The following CHODL variants were observed in gnomAD, a reference collection of about 807,000 sequenced individuals.
CHODL encodes transmembrane protein MT75.
Under a neutral mutation model 34.5 loss-of-function variants are expected in CHODL, and 29 were observed. That is an observed-to-expected ratio of 0.84 (90% CI 0.63 to 1.15). CHODL has a LOEUF of 1.15. Ranked by LOEUF, CHODL falls within the 50% of genes most tolerant of loss-of-function variation. The pLI, the probability that CHODL is intolerant of heterozygous loss-of-function variation, is 0.00. For missense variants in CHODL, 332 were observed against 332.5 expected, an observed-to-expected ratio of 1.00 and a Z score of 0.01; for synonymous variants, 125 against 116.1, an observed-to-expected ratio of 1.08 and a Z score of -0.49.
intron 2 of CHODL, among the ~76,000 whole-genome samples, chr21:18,032,417 G>A (rs1296714116): frequency 6.6e-6 from 1 of 151,904 alleles, no homozygotes; most frequent in Non-Finnish European, 1.5e-5. Context: ...GTTCTGAAGG[G>A]GAGAAAATAG....
chr21:18,004,416 C>T (rs2063940786), intron 1 of CHODL, among the ~76,000 whole-genome samples: 3 of 152,118 alleles, frequency 2.0e-5, no homozygotes, highest in South Asian at 4.1e-4. Context: ...AAAGAAAGCA[C>T]GTACACATCA....
chr21:18,021,064 C>T (rs1243715594), intron 1 of CHODL, among the ~76,000 whole-genome samples: 1 of 152,096 alleles, frequency 6.6e-6, no homozygotes, highest in Non-Finnish European at 1.5e-5. Context: ...CTATAGACCC[C>T]TAGTTGAATA....
At chr21:18,112,668 A>C (rs1416686419) in intron 2 of CHODL, among the ~76,000 whole-genome samples, 2 of 152,150 alleles carry the variant, frequency 1.3e-5, no homozygotes, top group African/African-American at 2.4e-5. Context: ...TTGGGGAAAA[A>C]ACACTGTCTT....
chr21:18,135,936 G>C (rs139312146), intron 2 of CHODL, among the ~76,000 whole-genome samples: 1 of 151,564 alleles, frequency 6.6e-6, no homozygotes, highest in Non-Finnish European at 1.5e-5. Flanking sequence ...GTGAAACCCC[G>C]TCTCTACTAA....
At chr21:18,245,986 G>A in intron 1 of CHODL, 2 of 1,491,248 alleles carry the variant, frequency 1.3e-6, no homozygotes, top group African/African-American at 2.8e-5. Flanking sequence ...GCACAATTAA[G>A]TCGGTCGAGT....
chr21:18,106,259 C>T (rs986685713), intron 2 of CHODL, among the ~76,000 whole-genome samples: 1 of 152,102 alleles, frequency 6.6e-6, no homozygotes, highest in African/African-American at 2.4e-5. Context: ...AGACCTAAGT[C>T]ATTTCCAACA....
chr21:17,919,925 A>G (rs1310907783), intron 1 of CHODL, among the ~76,000 whole-genome samples: 1 of 152,196 alleles, frequency 6.6e-6, no homozygotes, highest in Non-Finnish European at 1.5e-5. Context: ...GGCAGGGACA[A>G]AATGCTGCCA....
chr21:18,018,955 T>C (rs535869017), intron 1 of CHODL, among the ~76,000 whole-genome samples: 1 of 152,346 alleles, frequency 6.6e-6, no homozygotes, highest in Non-Finnish European at 1.5e-5. Flanking sequence ...ATACCCTCCA[T>C]GACTTGATTA....
At chr21:18,183,029 T>A (rs2824691) in intron 2 of CHODL, among the ~76,000 whole-genome samples, 56 of 152,186 alleles carry the variant, frequency 3.7e-4, no homozygotes, top group African/African-American at 1.2e-3. Context: ...AAATTCTCCC[T>A]TATTGATTAA....
chr21:18,013,178 A>C (rs1263385621), intron 1 of CHODL, among the ~76,000 whole-genome samples: 1 of 152,076 alleles, frequency 6.6e-6, no homozygotes, highest in East Asian at 1.9e-4. Context: ...ACTCATTTTC[A>C]TTTTGTATCT....
intron 1 of CHODL, among the ~76,000 whole-genome samples, chr21:17,925,385 G>C (rs1359326428): frequency 6.6e-6 from 1 of 152,116 alleles, no homozygotes; most frequent in African/African-American, 2.4e-5. Flanking sequence ...TATGCACCTG[G>C]GCCAGTTTCC....
intron 2 of CHODL, among the ~76,000 whole-genome samples, chr21:18,055,620 A>T (rs569931993): frequency 2.0e-5 from 3 of 152,172 alleles, no homozygotes; most frequent in Admixed American, 2.0e-4. Flanking sequence ...CATATCCGGC[A>T]GGGCTAAAGT....
At chr21:18,239,901 C>T (rs1318833230), upstream of CHODL, among the ~76,000 whole-genome samples, 1 of 151,600 alleles carries the variant, frequency 6.6e-6, no homozygotes. Flanking sequence ...TAAATCAAAC[C>T]ATTGTCATTT....
rs950930010 is a variant in CHODL at position 17,956,134 on chromosome 21, T to G, written c.-145+38734T>G. On this transcript the variant is annotated intron_variant, in intron 1 of 6. Transcript: ENST00000400127. ...CATGTTGAGATGTAATCCCCAGTGTTGGAGATGGGGCCCAGTGGGAGGTGT... is the reference window on the plus strand; with the variant it reads ...CATGTTGAGATGTAATCCCCAGTGTGGGAGATGGGGCCCAGTGGGAGGTGT... 5.9e-5 allele frequency among the ~76,000 whole-genome samples: 8 copies of G among 136,714 alleles called. 1 individual carries two copies. Among genetic ancestry groups the G allele is most frequent in the African/African-American group, 1.7e-4 (7 of 40,044 alleles). The allele number at this position is 136,714 out of a possible 152,430, so 89.7% of individuals were successfully genotyped here. A position where few individuals can be genotyped will look rare whatever the true frequency, so the allele number is the denominator to read the frequency against.
intron 2 of CHODL, among the ~76,000 whole-genome samples, chr21:18,218,870 G>T (rs1286508787): frequency 6.6e-6 from 1 of 152,104 alleles, no homozygotes; most frequent in Admixed American, 6.5e-5. Context: ...CCTCAGCCTG[G>T]ACTTCATTGT....
chr21:17,928,950 T>C (rs2063249216), intron 1 of CHODL, among the ~76,000 whole-genome samples: 1 of 152,250 alleles, frequency 6.6e-6, no homozygotes, highest in Non-Finnish European at 1.5e-5. Flanking sequence ...CTGAACTTCA[T>C]GCAAGTATCA....
intron 2 of CHODL, among the ~76,000 whole-genome samples, chr21:18,134,914 C>T (rs1198459721): frequency 1.3e-5 from 2 of 152,150 alleles, no homozygotes; most frequent in Non-Finnish European, 2.9e-5. Context: ...GTAAATAAAC[C>T]ACACCAAGGT....
chr21:18,102,855 A>T (rs2065231738), intron 2 of CHODL, among the ~76,000 whole-genome samples: 1 of 152,168 alleles, frequency 6.6e-6, no homozygotes, highest in African/African-American at 2.4e-5. Flanking sequence ...ATGCTATAAA[A>T]CTTAAAGTAA....
At chr21:17,947,291 T>C (rs2063418615) in intron 1 of CHODL, among the ~76,000 whole-genome samples, 1 of 151,876 alleles carries the variant, frequency 6.6e-6, no homozygotes, top group African/African-American at 2.4e-5. Flanking sequence ...AAAAGAAAAT[T>C]TTAAAAATTC....
Sources: gnomAD v4.1 joint callset for allele counts (sites outside exome capture counted in the v4.1 genomes callset) on GRCh38, gnomAD v4.1.1 for gene constraint, MANE v1.5 for transcripts, NCBI Gene and HGNC (gene_info 2026-07-23, HGNC 2026-07-21) for gene names.